CDH20: variants seen among roughly 807,000 people sequenced by gnomAD.
CDH20 encodes cadherin 20, also known as cadherin-20.
CDH20 carries 29 observed loss-of-function variants against 74.2 expected under a neutral mutation model. That is an observed-to-expected ratio of 0.39 (90% CI 0.29 to 0.53). CDH20 has a LOEUF of 0.53. CDH20 is among the 20% of genes least tolerant of loss of function. The probability of loss-of-function intolerance (pLI) is 0.69; values close to 1 mark genes in which losing one functional copy is unlikely to be tolerated. For missense variants in CDH20, 988 were observed against 1,048.3 expected (o/e 0.94, Z 0.79); for synonymous variants, 469 against 405.4 (o/e 1.16, Z -1.88).
chr18:61,537,496 A>G (rs1912853821), intron 8 of CDH20, among the ~76,000 whole-genome samples: 1 of 152,226 alleles, frequency 6.6e-6, no homozygotes, highest in South Asian at 2.1e-4. Context: ...AATATAATAC[A>G]GATGCTTTCA....
At chr18:61,510,535 C>T (rs1339787918) in intron 6 of CDH20, among the ~76,000 whole-genome samples, 1 of 152,194 alleles carries the variant, frequency 6.6e-6, no homozygotes, top group African/African-American at 2.4e-5. Context: ...TTTGATAGAA[C>T]TGAATTAACA....
intron 1 of CDH20, among the ~76,000 whole-genome samples, chr18:61,351,210 C>G (rs533530594): frequency 6.6e-6 from 1 of 152,124 alleles, no homozygotes; most frequent in Admixed American, 6.5e-5. Flanking sequence ...CACTGTCTAC[C>G]GAGTAAGACC....
chr18:61,532,814 A>G (rs148569574), intron 7 of CDH20, among the ~76,000 whole-genome samples: 1 of 152,308 alleles, frequency 6.6e-6, no homozygotes, highest in African/African-American at 2.4e-5. Flanking sequence ...AGTTGCTGGC[A>G]ACTTTAAATC....
chr18:61,484,794 C>T (rs530464), intron 1 of CDH20, among the ~76,000 whole-genome samples: 8,070 of 146,558 alleles, frequency 0.055, 263 homozygotes, highest in Middle Eastern at 0.12. Flanking sequence ...CACATCCCTA[C>T]CATTATACAA....
In CDH20 at chr18:61,451,129, CT is replaced by C. The variant is rs941667455; in HGVS notation, c.-152-39262del. On this transcript the variant is annotated intron_variant, in intron 1 of 11. Transcript: ENST00000262717. ...CTAATCAATTTTCTGTTATTTATAA[CT>C]TTTTTTTTTTACTTTATGATTTAAA... Among the ~76,000 whole-genome samples, 161 of 146,360 alleles carry C rather than the reference CT, an allele frequency of 1.1e-3. 1 individual carries two copies. Among genetic ancestry groups the C allele is most frequent in the South Asian group, 3.3e-3 (15 of 4,610 alleles).
intron 1 of CDH20, among the ~76,000 whole-genome samples, chr18:61,411,162 C>T (rs1048193269): frequency 6.6e-6 from 1 of 150,402 alleles, no homozygotes; most frequent in Non-Finnish European, 1.5e-5. Flanking sequence ...TACGCCACTG[C>T]ACTCCCGCCT....
rs1281953654 is a variant in CDH20 at position 61,410,584 on chromosome 18, A to G, written c.-153+76757A>G. Among the ~76,000 whole-genome samples the G allele has an allele frequency of 2.6e-5, 4 of 152,198 alleles. No homozygotes were observed. The East Asian group carries it at 7.7e-4, about 29-fold the overall frequency. Reference sequence around the variant, plus strand: ...ATAAGGCTATAATAATTAAAAGAGTATATGATTTAAACACAGAACAGAGAT... The same window carrying G: ...ATAAGGCTATAATAATTAAAAGAGTGTATGATTTAAACACAGAACAGAGAT... On this transcript the variant is annotated intron_variant, in intron 1 of 11. Coordinates refer to ENST00000262717, the MANE Select transcript of CDH20 (RefSeq NM_031891.4).
intron 1 of CDH20, among the ~76,000 whole-genome samples, chr18:61,466,351 A>G (rs1311336459): frequency 4.6e-5 from 7 of 152,168 alleles, no homozygotes; most frequent in Non-Finnish European, 7.3e-5. Context: ...AACATTTACA[A>G]TAGAAACTTA....
At chr18:61,371,769 T>C (rs1273223110) in intron 1 of CDH20, among the ~76,000 whole-genome samples, 3 of 151,248 alleles carry the variant, frequency 2.0e-5, no homozygotes, top group Admixed American at 6.6e-5. Context: ...ATTGGCCTTA[T>C]ATTTTCCAAA....
intron 6 of CDH20, among the ~76,000 whole-genome samples, chr18:61,516,271 G>A (rs1338077147): frequency 1.3e-5 from 2 of 152,224 alleles, no homozygotes; most frequent in Admixed American, 1.3e-4. Context: ...ACTGTTCAAT[G>A]TAACAATTTT....
chr18:61,541,047 C>T, intron 9 of CDH20, among the ~76,000 whole-genome samples: 1 of 152,204 alleles, frequency 6.6e-6, no homozygotes, highest in Middle Eastern at 3.4e-3. Flanking sequence ...AAATGTTATG[C>T]AGCCAATAAA....
At chr18:61,554,136 GCA>G in intron 11 of CDH20, 52 bp from the exon 12 acceptor site, 1 of 1,564,168 alleles carries the variant, frequency 6.4e-7, no homozygotes, top group Non-Finnish European at 8.7e-7. Context: ...TCTAGTCACC[GCA>G]CACACAGCCA....
chr18:61,497,373 G>A (rs1239600443), intron 2 of CDH20, among the ~76,000 whole-genome samples: 1 of 152,164 alleles, frequency 6.6e-6, no homozygotes, highest in Non-Finnish European at 1.5e-5. Context: ...GGCTGTTGTG[G>A]ATGCATTTGC....
chr18:61,546,776 GTGAC>G (rs1184805066), intron 10 of CDH20, among the ~76,000 whole-genome samples: 2 of 152,202 alleles, frequency 1.3e-5, no homozygotes, highest in Non-Finnish European at 2.9e-5. Flanking sequence ...ATAGTAAGAC[GTGAC>G]TCATCTCTTG....
At position 61,507,523 on chromosome 18, in the gene CDH20, A is replaced by G. The variant is rs1163605374; in HGVS notation, c.980A>G (p.Asp327Gly). Reference sequence around the variant, plus strand: ...GCAGATGCCTTTGACATTAGCACAGATCCCAATTTCCAAGTTGGTATCATA... The same window carrying G: ...GCAGATGCCTTTGACATTAGCACAGGTCCCAATTTCCAAGTTGGTATCATA... ...DGADAFDIST[D>G]PNFQVGIITV... The change falls in exon 6 of 12, where the codon GAT becomes GGT. Residue 327 changes from aspartate to glycine, a missense_variant. Coordinates refer to ENST00000262717, the MANE Select transcript of CDH20 (RefSeq NM_031891.4). 6.2e-7 allele frequency: 1 copy of G among 1,610,880 alleles called. No individual in the cohort carries two copies. The highest frequency in any genetic ancestry group is 8.5e-7 in the Non-Finnish European group (1 of 1,178,564).
At chr18:61,479,739 A>T (rs999345549) in intron 1 of CDH20, among the ~76,000 whole-genome samples, 6 of 151,738 alleles carry the variant, frequency 4.0e-5, no homozygotes, top group African/African-American at 1.5e-4. Context: ...CTTCTCAGTC[A>T]CTCCAACACT....
At chr18:61,552,141 T>C (rs1599165196) in intron 11 of CDH20, among the ~76,000 whole-genome samples, 1 of 151,268 alleles carries the variant, frequency 6.6e-6, no homozygotes, top group Non-Finnish European at 1.5e-5. Context: ...CTATATTTTA[T>C]AGACAACTAA....
chr18:61,418,272 T>C (rs1393223888), intron 1 of CDH20, among the ~76,000 whole-genome samples: 1 of 151,934 alleles, frequency 6.6e-6, no homozygotes, highest in African/African-American at 2.4e-5. Flanking sequence ...TAAAACATCC[T>C]GGCCGGGCGT....
intron 6 of CDH20, among the ~76,000 whole-genome samples, chr18:61,517,937 G>T (rs1463473270): frequency 6.6e-6 from 1 of 152,066 alleles, no homozygotes; most frequent in South Asian, 2.1e-4. Flanking sequence ...GGTGGAGGGA[G>T]GGGGGTCCAC....
Sources: allele counts gnomAD v4.1 joint callset (sites outside exome capture counted in the v4.1 genomes callset), GRCh38; gene constraint gnomAD v4.1.1; transcripts MANE v1.5; gene names NCBI Gene and HGNC (gene_info 2026-07-23, HGNC 2026-07-21).